ARL8B: variants seen among roughly 807,000 people sequenced by gnomAD.
ARL8B encodes the protein ARF like GTPase 8B.
Under a neutral mutation model 30.6 loss-of-function variants are expected in ARL8B, and 9 were observed. That is an observed-to-expected ratio of 0.29 (90% CI 0.18 to 0.51). The LOEUF is 0.51. Among genes scored for constraint, ARL8B ranks in the 20% least tolerant of loss-of-function variants. ARL8B has a pLI of 0.97. For missense variants in ARL8B, 130 were observed against 227.2 expected, an observed-to-expected ratio of 0.57 and a Z score of 2.75; for synonymous variants, 74 against 76.0, an observed-to-expected ratio of 0.97 and a Z score of 0.14.
At chr3:5,128,772 T>A (rs1307435025) in intron 1 of ARL8B, among the ~76,000 whole-genome samples, 1 of 152,244 alleles carries the variant, frequency 6.6e-6, no homozygotes, top group African/African-American at 2.4e-5. Context: ...CATCCAAGAT[T>A]AACTACTGTC....
At chr3:5,132,948 A>C (rs1450357878) in intron 1 of ARL8B, among the ~76,000 whole-genome samples, 1 of 152,232 alleles carries the variant, frequency 6.6e-6, no homozygotes, top group Non-Finnish European at 1.5e-5. Flanking sequence ...TTGGTTGGAC[A>C]GTGGCAGGAA....
Position 5,123,836 on chromosome 3 carries a change from T to A in ARL8B, c.123+1248T>A, listed in dbSNP as rs185841351. ...AAGAATGATGTATATAAGGAAGATT[T>A]ACCTGCTTGTTGTTCGGCTCCTTTT... On this transcript the variant is annotated intron_variant, in intron 1 of 6. Transcript: ENST00000256496. Among the ~76,000 whole-genome samples the A allele has an allele frequency of 1.7e-3, 252 of 152,316 alleles. 4 individuals are homozygous for A. Among genetic ancestry groups the A allele is most frequent in the Non-Finnish European group, 1.6e-3 (112 of 68,028 alleles).
rs59759123 is a variant in ARL8B at position 5,180,803 on chromosome 3, G to GAAGGGTATAGT, written c.*2093_*2094insGGTATAGTAAG. ...ATGATGGAAGGTGCAGACTTTTTTG[G>GAAGGGTATAGT]AAGTTTCCGAGAGGAGGGTCTATAG... On this transcript the variant is annotated 3_prime_UTR_variant, in exon 7 of 7. Coordinates refer to ENST00000256496, the MANE Select transcript of ARL8B (RefSeq NM_018184.3). 1 of 152,136 alleles carries GAAGGGTATAGT rather than the reference G, an allele frequency of 6.6e-6. No homozygotes were observed. The highest frequency in any genetic ancestry group is 2.4e-5 in the African/African-American group (1 of 41,246). 9.4% of individuals were successfully genotyped at this position (152,136 alleles called of 1,614,324 possible).
chr3:5,170,392 A>G (rs1009657272), intron 1 of ARL8B, 111 bp from the exon 2 acceptor site: 18 of 603,788 alleles, frequency 3.0e-5, no homozygotes, highest in African/African-American at 5.8e-5. Context: ...ATTGTTACCA[A>G]TGGTAAAAAA....
At chr3:5,123,097 A>G (rs963330315) in intron 1 of ARL8B, among the ~76,000 whole-genome samples, 17 of 152,162 alleles carry the variant, frequency 1.1e-4, no homozygotes, top group African/African-American at 4.1e-4. Flanking sequence ...GCCTTCCTGA[A>G]TTCTGTGGGC....
At chr3:5,150,014 T>C (rs544959455) in intron 1 of ARL8B, among the ~76,000 whole-genome samples, 5 of 152,306 alleles carry the variant, frequency 3.3e-5, no homozygotes, top group Non-Finnish European at 5.9e-5. Flanking sequence ...TCTTATATCA[T>C]TGTACTTGTT....
intron 6 of ARL8B, among the ~76,000 whole-genome samples, chr3:5,178,188 A>G (rs562317879): frequency 1.3e-4 from 20 of 151,212 alleles, no homozygotes; most frequent in East Asian, 1.9e-4. Context: ...ATCACTCACA[A>G]TCCATCCAGA....
At chr3:5,175,937 C>T (rs909294563) in intron 6 of ARL8B, among the ~76,000 whole-genome samples, 2 of 152,142 alleles carry the variant, frequency 1.3e-5, no homozygotes, top group African/African-American at 4.8e-5. Context: ...CTTGCAGAGA[C>T]CCTATTTCCA....
chr3:5,170,795 G>C lies in ARL8B; in HGVS notation c.204+212G>C, dbSNP rs112077979. On this transcript the variant is annotated intron_variant, in intron 2 of 6. Transcript: ENST00000256496. ...CACCCAGGCTGGAGTGCAGTGTCGC[G>C]ATCTCCACTCACTGCAACCTCTACC... The C allele has an allele frequency of 4.1e-3, 1,696 of 418,704 alleles. 24 individuals are homozygous for C. Among genetic ancestry groups the C allele is most frequent in the African/African-American group, 0.032 (1,542 of 47,864 alleles). 25.9% of individuals were successfully genotyped at this position (418,704 alleles called of 1,614,324 possible). A position where few individuals can be genotyped will look rare whatever the true frequency, so the allele number is the denominator to read the frequency against.
chr3:5,158,671 T>C (rs1256970983), intron 1 of ARL8B, among the ~76,000 whole-genome samples: 3 of 152,208 alleles, frequency 2.0e-5, no homozygotes, highest in African/African-American at 7.2e-5. Context: ...TAACATTTAT[T>C]ACCTGAAAAA....
chr3:5,150,125 C>A (rs1177940984), intron 1 of ARL8B, among the ~76,000 whole-genome samples: 1 of 152,120 alleles, frequency 6.6e-6, no homozygotes. Context: ...CGTGCCTCTT[C>A]TGTTTTTGGA....
chr3:5,178,732 C>G lies in ARL8B; in HGVS notation c.*19C>G. The stretch of plus-strand genomic sequence containing the variant: ...AAGCTGAAGCATCTCCTGAAGTCTT[C>G]CAGTCCTTCTTGGCTATAATCCTAG... On this transcript the variant is annotated 3_prime_UTR_variant, in exon 7 of 7. Transcript: ENST00000256496. 8 of 1,611,642 alleles carry G rather than the reference C, an allele frequency of 5.0e-6. No individual in the cohort carries two copies. Among genetic ancestry groups the G allele is most frequent in the Non-Finnish European group, 6.8e-6 (8 of 1,179,408 alleles).
chr3:5,138,382 A>G (rs1354223926), intron 1 of ARL8B, among the ~76,000 whole-genome samples: 1 of 152,138 alleles, frequency 6.6e-6, no homozygotes, highest in Non-Finnish European at 1.5e-5. Context: ...AAAGTGGAAA[A>G]TCACTTTTAG....
At chr3:5,174,876 T>C (rs547717466) in intron 6 of ARL8B, among the ~76,000 whole-genome samples, 2 of 151,390 alleles carry the variant, frequency 1.3e-5, no homozygotes, top group Non-Finnish European at 2.9e-5. Context: ...GATCTCGACT[T>C]ACTGCAACCT....
At chr3:5,176,690 G>A (rs1156756579) in intron 6 of ARL8B, among the ~76,000 whole-genome samples, 2 of 152,304 alleles carry the variant, frequency 1.3e-5, no homozygotes, top group East Asian at 1.9e-4. Context: ...TACATTGGGA[G>A]CATTTATTTG....
In ARL8B at chr3:5,123,280, C is replaced by T. The variant is rs148219251; in HGVS notation, c.123+692C>T. Among the ~76,000 whole-genome samples, 10 of 152,282 alleles carry T rather than the reference C, an allele frequency of 6.6e-5. No homozygotes were observed. The East Asian group carries it at 1.7e-3, about 26-fold the overall frequency. ...TGCAGTTAGCATAAAGTTAACTACCCTGCGAAAGAGGAGTTGGTCTTTAAA... is the reference window on the plus strand; with the variant it reads ...TGCAGTTAGCATAAAGTTAACTACCTTGCGAAAGAGGAGTTGGTCTTTAAA... On this transcript the variant is annotated intron_variant, in intron 1 of 6. Transcript: ENST00000256496.
At chr3:5,177,983 A>G (rs1420482274) in intron 6 of ARL8B, among the ~76,000 whole-genome samples, 1 of 152,170 alleles carries the variant, frequency 6.6e-6, no homozygotes, top group Non-Finnish European at 1.5e-5. Context: ...TAGCTGGGAA[A>G]CTGGTAGTGA....
At chr3:5,176,717 G>A (rs899185797) in intron 6 of ARL8B, among the ~76,000 whole-genome samples, 2 of 152,182 alleles carry the variant, frequency 1.3e-5, no homozygotes, top group African/African-American at 2.4e-5. Context: ...GACTCCTCAA[G>A]CACTTGTGGT....
chr3:5,145,919 A>C (rs999826696), intron 1 of ARL8B, among the ~76,000 whole-genome samples: 1 of 152,072 alleles, frequency 6.6e-6, no homozygotes, highest in East Asian at 1.9e-4. Flanking sequence ...TACAGACTGC[A>C]GTTTGTTTTT....
Sources: gnomAD v4.1 joint callset for allele counts (sites outside exome capture counted in the v4.1 genomes callset) on GRCh38, gnomAD v4.1.1 for gene constraint, MANE v1.5 for transcripts, NCBI Gene and HGNC (gene_info 2026-07-23, HGNC 2026-07-21) for gene names.